RARB: variants seen among roughly 807,000 people sequenced by gnomAD.
RARB encodes HBV-activated protein.
Under a neutral mutation model 51.9 loss-of-function variants are expected in RARB, and 17 were observed. That is an observed-to-expected ratio of 0.33 (90% confidence interval 0.22 to 0.49). The LOEUF is 0.49. RARB is among the 20% of genes least tolerant of loss of function. The pLI is 0.99. For synonymous variants in RARB, 215 were observed against 195.4 expected, an observed-to-expected ratio of 1.10 and a Z score of -0.84; for missense variants, 369 against 550.8, an observed-to-expected ratio of 0.67 and a Z score of 3.30.
chr3:25,401,625 A>G (rs1431929775), intron 5 of RARB, among the ~76,000 whole-genome samples: 1 of 152,220 alleles, frequency 6.6e-6, no homozygotes, highest in Non-Finnish European at 1.5e-5. Context: ...ATTAACTAAA[A>G]TGAAGATCTT....
chr3:25,009,292 T>C (rs1697344390), intron 2 of RARB, among the ~76,000 whole-genome samples: 1 of 152,164 alleles, frequency 6.6e-6, no homozygotes. Context: ...TTCTATAATT[T>C]TGTGACTTAG....
At chr3:25,308,874 A>T (rs1412724894) in intron 5 of RARB, among the ~76,000 whole-genome samples, 1 of 152,200 alleles carries the variant, frequency 6.6e-6, no homozygotes, top group Non-Finnish European at 1.5e-5. Context: ...GTCACCGGGC[A>T]CTAACATGAT....
chr3:24,881,762 A>G (rs1703171005), intron 2 of RARB, among the ~76,000 whole-genome samples: 1 of 152,150 alleles, frequency 6.6e-6, no homozygotes, highest in Admixed American at 6.5e-5. Flanking sequence ...TGGTAGCCCA[A>G]GGCTCCCTGT....
chr3:24,912,975 C>G (rs13067142), intron 2 of RARB, among the ~76,000 whole-genome samples: 1 of 75,066 alleles, frequency 1.3e-5, no homozygotes, highest in East Asian at 4.1e-4. Flanking sequence ...GGTACTGATT[C>G]TTTTTTTTTT....
At chr3:25,301,202 T>C (rs998748592) in intron 5 of RARB, among the ~76,000 whole-genome samples, 17 of 152,226 alleles carry the variant, frequency 1.1e-4, no homozygotes, top group Non-Finnish European at 2.4e-4. Context: ...TTACTCACTA[T>C]GGGTTTATCA....
At chr3:25,547,971 A>T (rs1699684923) in intron 3 of RARB, among the ~76,000 whole-genome samples, 1 of 152,152 alleles carries the variant, frequency 6.6e-6, no homozygotes, top group African/African-American at 2.4e-5. Context: ...AAAGAGACAC[A>T]TTGTGATCTT....
intron 5 of RARB, among the ~76,000 whole-genome samples, chr3:25,334,777 G>T (rs1389088922): frequency 1.3e-5 from 2 of 152,192 alleles, no homozygotes; most frequent in Non-Finnish European, 2.9e-5. Flanking sequence ...GTTCATGTGT[G>T]TTGGGAATTT....
At chr3:25,302,778 T>C (rs1269975341) in intron 5 of RARB, among the ~76,000 whole-genome samples, 1 of 152,216 alleles carries the variant, frequency 6.6e-6, no homozygotes, top group Non-Finnish European at 1.5e-5. Flanking sequence ...TCTCAAGCCA[T>C]TTTTTAAAAA....
At chr3:25,098,935 C>T (rs920281067) in intron 3 of RARB, among the ~76,000 whole-genome samples, 1 of 152,170 alleles carries the variant, frequency 6.6e-6, no homozygotes, top group Non-Finnish European at 1.5e-5. Context: ...AGAATGTTTT[C>T]CTCTAAGATA....
intron 5 of RARB, among the ~76,000 whole-genome samples, chr3:25,260,949 T>A (rs908594748): frequency 6.6e-5 from 10 of 152,118 alleles, no homozygotes; most frequent in Admixed American, 2.6e-4. Flanking sequence ...CTCTGGAGAA[T>A]GTTGGCCCTA....
intron 2 of RARB, among the ~76,000 whole-genome samples, chr3:24,894,543 C>T (rs1429411948): frequency 6.6e-6 from 1 of 151,972 alleles, no homozygotes; most frequent in Admixed American, 6.6e-5. Context: ...TATTCCATGT[C>T]TTTGCTATTG....
chr3:25,273,610 G>T (rs1249718380), intron 5 of RARB, among the ~76,000 whole-genome samples: 1 of 152,180 alleles, frequency 6.6e-6, no homozygotes, highest in Non-Finnish European at 1.5e-5. Flanking sequence ...TGTGACAGCA[G>T]GCAGAAGGGA....
intron 2 of RARB, among the ~76,000 whole-genome samples, chr3:25,007,128 C>A (rs1040502874): frequency 1.3e-5 from 2 of 152,108 alleles, no homozygotes; most frequent in Admixed American, 6.6e-5. Context: ...CCAAAAGATA[C>A]AACATGAATG....
chr3:25,170,001 AAAAAAAAG>A lies in RARB; in HGVS notation c.-279-4114_-279-4107del, dbSNP rs1340185781. On this transcript the variant is annotated intron_variant, in intron 4 of 11. Coordinates refer to the RARB transcript ENST00000383772. ...ACACCTTATTTCTTAAAAAAAAAAA[AAAAAAAAG>A]AAAGAAAAAAAAAAAGAAATTGAAG... Among the ~76,000 whole-genome samples, 195 of 98,100 alleles carry A rather than the reference AAAAAAAAG, an allele frequency of 2.0e-3. 1 individual carries two copies. The highest frequency in any genetic ancestry group is 3.2e-3 in the Non-Finnish European group (142 of 44,680). The allele number at this position is 98,100 out of a possible 152,430, so 64.4% of individuals were successfully genotyped here. A position where few individuals can be genotyped will look rare whatever the true frequency, so the allele number is the denominator to read the frequency against.
chr3:25,223,136 C>T (rs1251134609), intron 5 of RARB, among the ~76,000 whole-genome samples: 2 of 152,142 alleles, frequency 1.3e-5, no homozygotes, highest in East Asian at 3.9e-4. Flanking sequence ...TTAAGCAGTT[C>T]CCTCATGTCC....
chr3:25,418,288 T>A (rs1707763455), intron 5 of RARB, among the ~76,000 whole-genome samples: 1 of 152,172 alleles, frequency 6.6e-6, no homozygotes, highest in African/African-American at 2.4e-5. Flanking sequence ...AAATATAATT[T>A]TTTTTGTCTA....
At chr3:25,140,086 T>G (rs1016650488) in intron 4 of RARB, among the ~76,000 whole-genome samples, 2 of 150,824 alleles carry the variant, frequency 1.3e-5, no homozygotes, top group African/African-American at 4.9e-5. Context: ...AGGACATGGT[T>G]TTTTTTTTGT....
At chr3:24,935,981 G>A (rs929346696) in intron 2 of RARB, among the ~76,000 whole-genome samples, 7 of 152,188 alleles carry the variant, frequency 4.6e-5, no homozygotes, top group East Asian at 3.9e-4. Context: ...TGTATAAATC[G>A]AAAACTTAAT....
intron 4 of RARB, among the ~76,000 whole-genome samples, chr3:25,150,986 C>T (rs1158760541): frequency 3.3e-5 from 5 of 152,184 alleles, no homozygotes; most frequent in Non-Finnish European, 5.9e-5. Context: ...CTAATCTATA[C>T]AATATTTTCC....
Sources: gnomAD v4.1 joint callset for allele counts (sites outside exome capture counted in the v4.1 genomes callset) on GRCh38, gnomAD v4.1.1 for gene constraint, MANE v1.5 for transcripts, NCBI Gene and HGNC (gene_info 2026-07-23, HGNC 2026-07-21) for gene names.